The following DMGDH variants were observed in gnomAD, a reference collection of about 807,000 sequenced individuals.
The protein encoded by DMGDH is dimethylglycine dehydrogenase, mitochondrial.
In DMGDH, 76 loss-of-function variants were observed where a neutral mutation model predicts 95.2. That is an observed-to-expected ratio of 0.80 (90% CI 0.66 to 0.97). DMGDH has a LOEUF of 0.97. Ranked by LOEUF, DMGDH falls within the 50% of genes least tolerant of loss-of-function variation. DMGDH has a pLI of 0.00. For synonymous variants in DMGDH, 345 were observed against 377.6 expected, an observed-to-expected ratio of 0.91 and a Z score of 1.00; for missense variants, 987 against 1,055.0, an observed-to-expected ratio of 0.94 and a Z score of 0.89.
At chr5:79,046,439 G>A (rs1754677229) in intron 5 of DMGDH, among the ~76,000 whole-genome samples, 1 of 152,042 alleles carries the variant, frequency 6.6e-6, no homozygotes, top group Non-Finnish European at 1.5e-5. Context: ...CTGTAATGGA[G>A]TGTAGTGGCG....
chr5:78,999,424 A>G (rs925362172), intron 15 of DMGDH, among the ~76,000 whole-genome samples: 3 of 152,060 alleles, frequency 2.0e-5, no homozygotes, highest in African/African-American at 7.2e-5. Flanking sequence ...TCCGCCTCCC[A>G]GGTTCATGCC....
intron 1 of DMGDH, among the ~76,000 whole-genome samples, chr5:79,064,150 C>T (rs974017977): frequency 4.6e-5 from 7 of 151,932 alleles, no homozygotes; most frequent in African/African-American, 1.7e-4. Flanking sequence ...CCCAGGAGTT[C>T]AAGACAACCC....
At chr5:79,018,683 TTAAAA>T (rs1363913503) in intron 14 of DMGDH, among the ~76,000 whole-genome samples, 5 of 152,262 alleles carry the variant, frequency 3.3e-5, no homozygotes, top group Non-Finnish European at 5.9e-5. Context: ...TCAAATACAC[TTAAAA>T]TAATAATAAA....
At chr5:79,044,017 G>A (rs1157369652) in intron 6 of DMGDH, among the ~76,000 whole-genome samples, 1 of 152,186 alleles carries the variant, frequency 6.6e-6, no homozygotes, top group Admixed American at 6.5e-5. Flanking sequence ...CGGGGAGGCA[G>A]GAGGTTGTGT....
At position 79,069,509 on chromosome 5, in the gene DMGDH, G is replaced by A. The variant is rs1580241332; in HGVS notation, c.101+11C>T. 2.3e-5 allele frequency: 29 copies of A among 1,278,088 alleles called. No homozygotes were observed. In the East Asian group the frequency reaches 8.4e-4, roughly 37 times the overall value. 79.2% of individuals were successfully genotyped at this position (1,278,088 alleles called of 1,614,324 possible). On this transcript the variant is annotated intron_variant, in intron 1 of 15. Coordinates refer to ENST00000255189, the MANE Select transcript of DMGDH (RefSeq NM_013391.3). ...CCCCGTCGCCTCTGAGCAGGACGGG[G>A]CCCCACTCACCCTTCCCGGCCGCAG...
intron 7 of DMGDH, among the ~76,000 whole-genome samples, chr5:79,040,923 TC>T (rs2067344): frequency 0.41 from 62,852 of 151,894 alleles, 15,004 homozygotes; most frequent in East Asian, 0.64. Flanking sequence ...CATTATAACT[TC>T]CCATCCCAAA....
chr5:79,016,389 C>A (rs1189079864), intron 14 of DMGDH, among the ~76,000 whole-genome samples: 1 of 152,114 alleles, frequency 6.6e-6, no homozygotes, highest in African/African-American at 2.4e-5. Flanking sequence ...GCAGATTGAG[C>A]AAAGTTCCAA....
chr5:79,058,999 T>A (rs1450698122), intron 2 of DMGDH, among the ~76,000 whole-genome samples: 1 of 152,222 alleles, frequency 6.6e-6, no homozygotes, highest in Non-Finnish European at 1.5e-5. Context: ...CACTCATACA[T>A]TTACACCCAA....
intron 2 of DMGDH, among the ~76,000 whole-genome samples, chr5:79,058,311 A>C (rs1755092903): frequency 1.3e-5 from 2 of 152,222 alleles, no homozygotes; most frequent in Admixed American, 6.5e-5. Flanking sequence ...GCTTCCATTT[A>C]AATTATTTGA....
intron 15 of DMGDH, among the ~76,000 whole-genome samples, chr5:79,003,904 G>A (rs1039702316): frequency 4.6e-5 from 7 of 152,092 alleles, no homozygotes; most frequent in African/African-American, 1.4e-4. Flanking sequence ...CTGAGATCAC[G>A]CCACTGCACT....
chr5:79,053,957 A>G (rs936024774), intron 4 of DMGDH, among the ~76,000 whole-genome samples: 5 of 152,212 alleles, frequency 3.3e-5, no homozygotes, highest in Non-Finnish European at 5.9e-5. Context: ...TGTTTAATCA[A>G]TTGTCAAAGG....
intron 7 of DMGDH, among the ~76,000 whole-genome samples, chr5:79,034,857 A>G (rs1754295261): frequency 1.3e-5 from 2 of 152,058 alleles, no homozygotes; most frequent in Non-Finnish European, 1.5e-5. Flanking sequence ...GGAGATCGAG[A>G]CCATCTTGGC....
intron 3 of DMGDH, 33 bp downstream of exon 3, chr5:79,055,777 C>T: frequency 7.2e-7 from 1 of 1,396,110 alleles, no homozygotes; most frequent in South Asian, 1.2e-5. Flanking sequence ...GAGAAGCCGA[C>T]CTAACAGACA....
chr5:79,051,698 G>A (rs1467202682), intron 4 of DMGDH, among the ~76,000 whole-genome samples: 1 of 152,086 alleles, frequency 6.6e-6, no homozygotes, highest in Admixed American at 6.5e-5. Context: ...CCTCTATCTT[G>A]TTTACACCTT....
intron 14 of DMGDH, among the ~76,000 whole-genome samples, chr5:79,021,850 G>C (rs923944919): frequency 2.0e-5 from 3 of 152,148 alleles, no homozygotes; most frequent in African/African-American, 7.2e-5. Context: ...GAAAGTGGTG[G>C]GTGGGAAAGC....
intron 2 of DMGDH, among the ~76,000 whole-genome samples, chr5:79,058,291 C>T (rs1755092287): frequency 1.3e-5 from 2 of 152,084 alleles, no homozygotes; most frequent in Admixed American, 1.3e-4. Context: ...TTGGGGCTAC[C>T]CATATTAGCG....
chr5:79,049,338 T>C (rs900751999), intron 5 of DMGDH, among the ~76,000 whole-genome samples: 1 of 152,244 alleles, frequency 6.6e-6, no homozygotes, highest in Non-Finnish European at 1.5e-5. Flanking sequence ...AGGAAAACAA[T>C]GCATAAATGT....
chr5:79,032,093 A>T (rs1181044300), intron 9 of DMGDH, among the ~76,000 whole-genome samples: 1 of 152,238 alleles, frequency 6.6e-6, no homozygotes, highest in African/African-American at 2.4e-5. Context: ...TGAGAAAAAA[A>T]TATATAATCA....
intron 15 of DMGDH, 135 bp downstream of exon 15, chr5:79,005,138 A>G (rs991664309): frequency 1.7e-6 from 2 of 1,197,774 alleles, no homozygotes; most frequent in African/African-American, 3.0e-5. Context: ...TTTGAATGTC[A>G]GCTCAGAAAT....
Sources: gnomAD v4.1 joint callset for allele counts (sites outside exome capture counted in the v4.1 genomes callset) on GRCh38, gnomAD v4.1.1 for gene constraint, MANE v1.5 for transcripts, NCBI Gene and HGNC (gene_info 2026-07-23, HGNC 2026-07-21) for gene names.